The following HMGB1 variants were observed in gnomAD, a reference collection of about 807,000 sequenced individuals.
The protein encoded by HMGB1 is high mobility group box 1, also known as high mobility group protein B1.
For missense variants in HMGB1, 79 were observed against 253.5 expected, an observed-to-expected ratio of 0.31 and a Z score of 4.67; for synonymous variants, 81 against 84.0, an observed-to-expected ratio of 0.96 and a Z score of 0.19.
At chr13:30,490,626 A>C (rs1251832423) in intron 1 of HMGB1, among the ~76,000 whole-genome samples, 1 of 151,714 alleles carries the variant, frequency 6.6e-6, no homozygotes, top group African/African-American at 2.4e-5. Context: ...GAACAGAAAA[A>C]AAAAAAAAAA....
chr13:30,485,375 C>A (rs1887341864), intron 1 of HMGB1, among the ~76,000 whole-genome samples: 1 of 152,106 alleles, frequency 6.6e-6, no homozygotes, highest in Admixed American at 6.6e-5. Flanking sequence ...ACCCTAACTC[C>A]CACTTATAAC....
intron 1 of HMGB1, among the ~76,000 whole-genome samples, chr13:30,490,323 G>T (rs1427142960): frequency 6.6e-6 from 1 of 152,062 alleles, no homozygotes; most frequent in African/African-American, 2.4e-5. Context: ...TTTCAATTAA[G>T]AATTTAGGAA....
chr13:30,554,619 G>A, intron 1 of HMGB1: 5 of 772,068 alleles, frequency 6.5e-6, no homozygotes, highest in Non-Finnish European at 7.2e-6. Flanking sequence ...AATGGGAACA[G>A]AATTGGTCTA....
chr13:30,489,664 C>G (rs142372467), intron 1 of HMGB1, among the ~76,000 whole-genome samples: 27 of 152,050 alleles, frequency 1.8e-4, no homozygotes, highest in African/African-American at 5.1e-4. Context: ...CACTGGGTCA[C>G]TCACTTCTGA....
chr13:30,561,268 G>A (rs1869939895), intron 1 of HMGB1, among the ~76,000 whole-genome samples: 1 of 152,162 alleles, frequency 6.6e-6, no homozygotes, highest in Admixed American at 6.5e-5. Flanking sequence ...AGCTCAGGAG[G>A]AAGAGGCAAC....
chr13:30,463,488 C>T, intron 2 of HMGB1, 43 bp downstream of exon 2: 2 of 1,581,458 alleles, frequency 1.3e-6, no homozygotes. Context: ...CAATTGGAAA[C>T]TGTCTTTTAA....
intron 1 of HMGB1, among the ~76,000 whole-genome samples, chr13:30,590,358 A>C (rs1399279726): frequency 6.6e-6 from 1 of 151,728 alleles, no homozygotes; most frequent in Non-Finnish European, 1.5e-5. Flanking sequence ...GGGTTATGAG[A>C]CTGGCTAATT....
chr13:30,603,273 C>G (rs1950421011), intron 1 of HMGB1, among the ~76,000 whole-genome samples: 1 of 152,162 alleles, frequency 6.6e-6, no homozygotes, highest in African/African-American at 2.4e-5. Flanking sequence ...TGTTTACAGT[C>G]TAGCTGTCTC....
chr13:30,564,823 G>A (rs949775547), intron 1 of HMGB1, among the ~76,000 whole-genome samples: 2 of 152,330 alleles, frequency 1.3e-5, no homozygotes, highest in African/African-American at 2.4e-5. Flanking sequence ...GAAGTTGAAT[G>A]TCTAAGAATC....
At chr13:30,534,882 A>T (rs1419293833) in intron 1 of HMGB1, among the ~76,000 whole-genome samples, 1 of 152,046 alleles carries the variant, frequency 6.6e-6, no homozygotes, top group Non-Finnish European at 1.5e-5. Flanking sequence ...CAGCCAGTTC[A>T]AGCTGTTTTC....
chr13:30,509,202 T>C (rs1170897051), intron 1 of HMGB1, among the ~76,000 whole-genome samples: 1 of 152,004 alleles, frequency 6.6e-6, no homozygotes, highest in African/African-American at 2.4e-5. Flanking sequence ...CCTCTCAAAA[T>C]GCTGGAATTA....
At chr13:30,535,553 C>T (rs915500346) in intron 1 of HMGB1, among the ~76,000 whole-genome samples, 2 of 152,146 alleles carry the variant, frequency 1.3e-5, no homozygotes, top group African/African-American at 4.8e-5. Context: ...AGATACCATG[C>T]TTATTGTATC....
intron 1 of HMGB1, among the ~76,000 whole-genome samples, chr13:30,529,825 C>G (rs1302516738): frequency 6.6e-6 from 1 of 152,216 alleles, no homozygotes; most frequent in Non-Finnish European, 1.5e-5. Context: ...GTCTCCCACA[C>G]ACATCTTCTC....
chr13:30,609,582 C>G (rs1353359082), intron 1 of HMGB1, among the ~76,000 whole-genome samples: 1 of 152,182 alleles, frequency 6.6e-6, no homozygotes, highest in African/African-American at 2.4e-5. Flanking sequence ...CTTAAGACAG[C>G]AAGAACAACC....
intron 1 of HMGB1, among the ~76,000 whole-genome samples, chr13:30,607,295 C>G (rs1950469233): frequency 6.6e-6 from 1 of 152,230 alleles, no homozygotes; most frequent in Non-Finnish European, 1.5e-5. Context: ...CCACCCAAAT[C>G]TCATCTTGAA....
rs1309051036 is a variant in HMGB1 at position 30,476,594 on chromosome 13, T to TG, written c.-14-12901dup. Among the ~76,000 whole-genome samples the TG allele has an allele frequency of 2.0e-5, 3 of 152,128 alleles. No individual in the cohort carries two copies. The East Asian group carries it at 5.8e-4, about 29-fold the overall frequency. ...AGTATTTTGTTTATGGCTGGTGTGATGGCTCACGCTTGTAATCCCAGCATT... is the reference window on the plus strand; with the variant it reads ...AGTATTTTGTTTATGGCTGGTGTGATGGGCTCACGCTTGTAATCCCAGCATT... On this transcript the variant is annotated intron_variant, in intron 1 of 4. Coordinates refer to the HMGB1 transcript ENST00000405805.
intron 1 of HMGB1, among the ~76,000 whole-genome samples, chr13:30,537,600 T>C (rs1868497340): frequency 6.8e-6 from 1 of 147,588 alleles, no homozygotes; most frequent in Non-Finnish European, 1.5e-5. Context: ...CCATTAATTT[T>C]GTCTGATTCA....
intron 1 of HMGB1, among the ~76,000 whole-genome samples, chr13:30,535,122 A>C (rs1888583943): frequency 1.3e-5 from 2 of 152,190 alleles, no homozygotes; most frequent in Admixed American, 1.3e-4. Flanking sequence ...TTGGATAAGG[A>C]GGGTCCTCTG....
At position 30,538,451 on chromosome 13, in the gene HMGB1, ATTCT is replaced by A. The variant is rs760828749; in HGVS notation, c.-14-74761_-14-74758del. On this transcript the variant is annotated intron_variant, in intron 1 of 4. Coordinates refer to the HMGB1 transcript ENST00000405805. ...ACCACTGCAGTAACTAGTACTAGCA[ATTCT>A]TTCTTTCTTTCTTTCTTTCTTTCTT... is the stretch of plus-strand genomic sequence containing the variant. Among the ~76,000 whole-genome samples, 809 of 90,614 alleles carry A rather than the reference ATTCT, an allele frequency of 8.9e-3. 38 individuals carry two copies. Among genetic ancestry groups the A allele is most frequent in the African/African-American group, 0.027 (481 of 17,724 alleles). 59.4% of individuals were successfully genotyped at this position (90,614 alleles called of 152,430 possible).
Sources: gnomAD v4.1 joint callset for allele counts (sites outside exome capture counted in the v4.1 genomes callset) on GRCh38, gnomAD v4.1.1 for gene constraint, MANE v1.5 for transcripts, NCBI Gene and HGNC (gene_info 2026-07-23, HGNC 2026-07-21) for gene names.